The following RBFOX2 variants were observed in gnomAD, a reference collection of about 807,000 sequenced individuals.
The protein encoded by RBFOX2 is RNA binding protein fox-1 homolog 2.
RBFOX2 carries 10 observed loss-of-function variants against 49.1 expected under a neutral mutation model. That is an observed-to-expected ratio of 0.20 (90% CI 0.13 to 0.35). RBFOX2 has a LOEUF of 0.35. Among genes scored for constraint, RBFOX2 ranks in the 10% least tolerant of loss-of-function variants. The pLI, the probability that RBFOX2 is intolerant of heterozygous loss-of-function variation, is 1.00. For synonymous variants in RBFOX2, 183 were observed against 187.4 expected (o/e 0.98, Z 0.19); for missense variants, 323 against 486.9 (o/e 0.66, Z 3.17).
intron 1 of RBFOX2, among the ~76,000 whole-genome samples, chr22:35,910,784 A>AT (rs1327380284): frequency 6.6e-6 from 1 of 152,220 alleles, no homozygotes; most frequent in African/African-American, 2.4e-5. Context: ...TGAGAAGGTA[A>AT]TCTATTTTAA....
At chr22:35,995,414 C>T (rs527855501) in intron 1 of RBFOX2, 1 of 152,286 alleles carries the variant, frequency 6.6e-6, no homozygotes, top group Admixed American at 6.5e-5. Context: ...CTCCTAGGAT[C>T]ATAGCTTTCA....
exon 11 of RBFOX2, chr22:35,745,976 C>T: frequency 6.2e-7 from 1 of 1,613,900 alleles, no homozygotes; most frequent in Middle Eastern, 1.6e-4. Flanking sequence ...TAGGGGTCGG[C>T]TGTGTACACC....
At chr22:35,862,550 A>G (rs1238400303) in intron 1 of RBFOX2, among the ~76,000 whole-genome samples, 1 of 152,132 alleles carries the variant, frequency 6.6e-6, no homozygotes, top group Non-Finnish European at 1.5e-5. Flanking sequence ...TCACTTTGCC[A>G]GACATATCAT....
chr22:36,004,133 T>C (rs1001545416), intron 1 of RBFOX2, among the ~76,000 whole-genome samples: 4 of 152,126 alleles, frequency 2.6e-5, no homozygotes, highest in African/African-American at 7.2e-5. Flanking sequence ...AACCCACTTA[T>C]ACATCATTCT....
In RBFOX2 at chr22:35,948,526, A is replaced by G. The variant is rs2054569456; in HGVS notation, c.43-9629T>C. Among the ~76,000 whole-genome samples, 2 of 152,012 alleles carry G rather than the reference A, an allele frequency of 1.3e-5. 1 individual carries two copies. Among genetic ancestry groups the G allele is most frequent in the South Asian group, 4.2e-4 (2 of 4,796 alleles). ...TAAGGAGACCCTGGGTCTATAAGAAATAATAAAAATTAGCCAGGTGTGGTG... is the reference window on the plus strand; with the variant it reads ...TAAGGAGACCCTGGGTCTATAAGAAGTAATAAAAATTAGCCAGGTGTGGTG... On this transcript the variant is annotated intron_variant, in intron 1 of 5. Coordinates refer to the RBFOX2 transcript ENST00000408983.
At chr22:35,823,391 T>C (rs914753803) in intron 1 of RBFOX2, among the ~76,000 whole-genome samples, 4 of 152,268 alleles carry the variant, frequency 2.6e-5, no homozygotes, top group Admixed American at 1.3e-4. Flanking sequence ...CATCCAACTA[T>C]TGGTTCTCAT....
In RBFOX2 at chr22:35,952,536, G is replaced by A. The variant is rs77155311; in HGVS notation, c.42+9027C>T. Among the ~76,000 whole-genome samples the A allele has an allele frequency of 4.5e-3, 689 of 152,202 alleles. 4 individuals carry two copies. The highest frequency in any genetic ancestry group is 0.014 in the African/African-American group (595 of 41,536). ...TCACTTCTTAGTCTGTTCACTACTT[G>A]AAACAGATTAGATTCATTTCCCTGA... is the stretch of plus-strand genomic sequence containing the variant. On this transcript the variant is annotated intron_variant, in intron 1 of 5. Coordinates refer to the RBFOX2 transcript ENST00000408983.
intron 1 of RBFOX2, among the ~76,000 whole-genome samples, chr22:35,885,781 G>A (rs370364435): frequency 9.6e-4 from 139 of 145,124 alleles, no homozygotes; most frequent in African/African-American, 3.4e-3. Context: ...CACCGTACAA[G>A]TTAATACACA....
At chr22:35,924,627 T>C (rs2051409849) in intron 1 of RBFOX2, among the ~76,000 whole-genome samples, 1 of 152,184 alleles carries the variant, frequency 6.6e-6, no homozygotes, top group African/African-American at 2.4e-5. Context: ...TGACCACAGT[T>C]TTGCTTTTTC....
At chr22:35,886,389 A>G (rs2046581477) in intron 1 of RBFOX2, among the ~76,000 whole-genome samples, 1 of 152,232 alleles carries the variant, frequency 6.6e-6, no homozygotes, top group Non-Finnish European at 1.5e-5. Context: ...ACAGGAATGT[A>G]ATGCTTTCAA....
rs917869422 is a variant in RBFOX2 at position 35,759,889 on chromosome 22, C to T, written c.886G>A (p.Gly296Arg). ...CTGATTTTGGAATCTAACGCTTACC[C>T]TGGATAGGCGGGGATGGCTGTTGGA... The change falls in exon 9 of 12, where the codon GGG (glycine) becomes AGG (arginine). Residue 296 changes from glycine (G) to arginine (R), a missense_variant and splice_region_variant. Transcript: ENST00000405409. This position sits in a 1 kb window ranked among gnomAD's most constrained non-coding sequence, Gnocchi z 4.6. 28 of 1,613,714 alleles carry T rather than the reference C, an allele frequency of 1.7e-5. No individual in the cohort carries two copies. Among genetic ancestry groups the T allele is most frequent in the Non-Finnish European group, 2.2e-5 (26 of 1,180,002 alleles).
Position 35,769,305 on chromosome 22 carries a change from G to A in RBFOX2, c.454-956C>T, listed in dbSNP as rs558752384. On this transcript the variant is annotated intron_variant, in intron 4 of 11. Coordinates refer to ENST00000405409, the Ensembl canonical transcript of RBFOX2. ...AAAACAGCAATGCAGCTGGTATAAT[G>A]ACTTAGGATTAATTTGTTTGTTCCT... is the stretch of plus-strand genomic sequence containing the variant. Among the ~76,000 whole-genome samples the A allele has an allele frequency of 8.5e-5, 13 of 152,248 alleles. No individual in the cohort carries two copies. The South Asian group carries it at 2.5e-3, about 29-fold the overall frequency.
intron 6 of RBFOX2, among the ~76,000 whole-genome samples, chr22:35,764,439 C>G (rs1002515338): frequency 1.6e-4 from 24 of 151,952 alleles, no homozygotes; most frequent in African/African-American, 5.6e-4. Flanking sequence ...AAAAAATTAG[C>G]CAGGTGTGGT....
At chr22:35,790,586 ATTCAGTAT>A (rs1947395986) in intron 2 of RBFOX2, among the ~76,000 whole-genome samples, 1 of 152,260 alleles carries the variant, frequency 6.6e-6, no homozygotes, top group African/African-American at 2.4e-5. Context: ...CTATATCAGT[ATTCAGTAT>A]TTCTTATTGC....
chr22:35,910,438 T>G (rs2049672880), intron 1 of RBFOX2, among the ~76,000 whole-genome samples: 1 of 152,220 alleles, frequency 6.6e-6, no homozygotes, highest in African/African-American at 2.4e-5. Context: ...CAGAGATAGG[T>G]AGCTGACAGG....
chr22:35,825,120 T>C (rs769247899), intron 1 of RBFOX2, among the ~76,000 whole-genome samples: 2 of 152,234 alleles, frequency 1.3e-5, no homozygotes, highest in Admixed American at 6.5e-5. Flanking sequence ...CTTGGGAGGC[T>C]GAGACAGTAG....
At chr22:35,771,321 A>G (rs1485219242) in intron 4 of RBFOX2, among the ~76,000 whole-genome samples, 1 of 152,204 alleles carries the variant, frequency 6.6e-6, no homozygotes, top group Non-Finnish European at 1.5e-5. Context: ...GCAGCCTGAG[A>G]AAGACTTGAC....
chr22:35,990,484 G>T (rs2057928928), intron 1 of RBFOX2, among the ~76,000 whole-genome samples: 1 of 152,140 alleles, frequency 6.6e-6, no homozygotes. Context: ...AGGCAGTGGG[G>T]GTAATTAAAT....
Position 35,759,477 on chromosome 22 carries a change from A to G in RBFOX2, c.887+411T>C, listed in dbSNP as rs1801689137. On this transcript the variant is annotated intron_variant, in intron 9 of 11. Transcript: ENST00000405409. The surrounding 1 kb of genome is among the most constrained non-coding windows in gnomAD (Gnocchi z 4.6). ...GACACATGTGACAGCCTCTGCCCCA[A>G]CACGGGGTGGTGATAAGGAGGTGAA... Among the ~76,000 whole-genome samples the G allele has an allele frequency of 6.6e-6, 1 of 152,162 alleles. No individual in the cohort carries two copies. Among genetic ancestry groups the G allele is most frequent in the Non-Finnish European group, 1.5e-5 (1 of 68,026 alleles).
Sources: gnomAD v4.1 joint callset for allele counts (sites outside exome capture counted in the v4.1 genomes callset) on GRCh38, gnomAD v4.1.1 for gene constraint, Gnocchi (gnomAD v3.1) non-coding constraint, MANE v1.5 for transcripts, NCBI Gene and HGNC (gene_info 2026-07-23, HGNC 2026-07-21) for gene names.